The following PSEN1 variants were observed in gnomAD, a reference collection of about 807,000 sequenced individuals.
PSEN1 encodes the protein presenilin-1.
PSEN1 carries 15 observed loss-of-function variants against 53.5 expected under a neutral mutation model. That is an observed-to-expected ratio of 0.28 (90% CI 0.19 to 0.43). The LOEUF (loss-of-function observed/expected upper bound fraction) is 0.43. Ranked by LOEUF, PSEN1 falls within the 20% of genes least tolerant of loss-of-function variation. The pLI, the probability that PSEN1 is intolerant of heterozygous loss-of-function variation, is 1.00. For missense variants in PSEN1, 387 were observed against 571.2 expected, an observed-to-expected ratio of 0.68 and a Z score of 3.29; for synonymous variants, 208 against 209.8, an observed-to-expected ratio of 0.99 and a Z score of 0.08.
intron 10 of PSEN1, among the ~76,000 whole-genome samples, chr14:73,216,744 G>A (rs1289026062): frequency 2.7e-5 from 4 of 149,888 alleles, no homozygotes; most frequent in African/African-American, 9.9e-5. Flanking sequence ...GGGCCACAGA[G>A]CAAAACTCCA....
intron 8 of PSEN1, among the ~76,000 whole-genome samples, chr14:73,203,003 G>T (rs1566648774): frequency 1.2e-5 from 1 of 85,300 alleles, no homozygotes; most frequent in African/African-American, 4.6e-5. Context: ...GTTCAAGATT[G>T]CATCTGTTCT....
In PSEN1 at chr14:73,202,418, CTATATATATATATATA is replaced by C. The variant is rs1248311168; in HGVS notation, c.869-3938_869-3923del. ...TCTGTTTTAAAATATCTATCACATA[CTATATATATATATATA>C]TATATATATATATATATATATATAT... is the stretch of plus-strand genomic sequence containing the variant. On this transcript the variant is annotated intron_variant, in intron 8 of 11. Transcript: ENST00000324501. 8.5e-3 allele frequency among the ~76,000 whole-genome samples: 231 copies of C among 27,214 alleles called. 4 individuals carry two copies. The highest frequency in any genetic ancestry group is 9.5e-3 in the Non-Finnish European group (162 of 17,010). 17.9% of individuals were successfully genotyped at this position (27,214 alleles called of 152,430 possible). A position where few individuals can be genotyped will look rare whatever the true frequency, so the allele number is the denominator to read the frequency against.
chr14:73,172,258 T>G (rs1321005549), intron 4 of PSEN1, among the ~76,000 whole-genome samples: 1 of 152,176 alleles, frequency 6.6e-6, no homozygotes, highest in Non-Finnish European at 1.5e-5. Flanking sequence ...AAGAAGAGTT[T>G]TAATTGAGTT....
intron 3 of PSEN1, among the ~76,000 whole-genome samples, chr14:73,170,274 C>T (rs1272715323): frequency 1.3e-5 from 2 of 152,164 alleles, no homozygotes; most frequent in Admixed American, 6.5e-5. Flanking sequence ...TATCTCATCC[C>T]GTAACTAAGA....
chr14:73,183,006 A>G (rs1305298018), intron 5 of PSEN1, among the ~76,000 whole-genome samples: 1 of 152,172 alleles, frequency 6.6e-6, no homozygotes, highest in Non-Finnish European at 1.5e-5. Flanking sequence ...CCCAGTGTAC[A>G]TCTCCCACTG....
intron 3 of PSEN1, chr14:73,169,420 C>CAGTG (rs1411394769): frequency 6.6e-6 from 1 of 152,180 alleles, no homozygotes; most frequent in African/African-American, 2.4e-5. Flanking sequence ...CTATAGAGAC[C>CAGTG]AGTGACTTCC....
chr14:73,172,508 CAA>C (rs765069538), intron 4 of PSEN1, among the ~76,000 whole-genome samples: 1 of 152,224 alleles, frequency 6.6e-6, no homozygotes, highest in Non-Finnish European at 1.5e-5. Flanking sequence ...GGTGTAATAA[CAA>C]AGTTATTCAC....
At chr14:73,160,981 T>C (rs1002260860) in intron 3 of PSEN1, among the ~76,000 whole-genome samples, 5 of 150,062 alleles carry the variant, frequency 3.3e-5, no homozygotes, top group African/African-American at 1.2e-4. Flanking sequence ...TTTTTTTTTT[T>C]TTTTTTTCGA....
At chr14:73,212,389 G>T (rs921203592) in intron 10 of PSEN1, among the ~76,000 whole-genome samples, 1 of 152,090 alleles carries the variant, frequency 6.6e-6, no homozygotes, top group Non-Finnish European at 1.5e-5. Flanking sequence ...GATTACAGGC[G>T]TGAGCCACTG....
intron 6 of PSEN1, among the ~76,000 whole-genome samples, chr14:73,187,836 C>T (rs1301069500): frequency 6.6e-6 from 1 of 152,086 alleles, no homozygotes; most frequent in Non-Finnish European, 1.5e-5. Context: ...AACTAAAGCC[C>T]TGCAAGTTAT....
intron 6 of PSEN1, among the ~76,000 whole-genome samples, chr14:73,190,420 T>G (rs1387884354): frequency 6.6e-6 from 1 of 151,604 alleles, no homozygotes; most frequent in Non-Finnish European, 1.5e-5. Flanking sequence ...GCCAAGGACT[T>G]TGGGGCTGCA....
chr14:73,140,409 C>T (rs1896892036), intron 1 of PSEN1, among the ~76,000 whole-genome samples: 2 of 151,520 alleles, frequency 1.3e-5, no homozygotes, highest in Admixed American at 6.6e-5. Context: ...TGGGGTGTCA[C>T]CATATTGGCC....
intron 5 of PSEN1, among the ~76,000 whole-genome samples, chr14:73,183,169 G>C (rs1454071323): frequency 6.6e-6 from 1 of 152,178 alleles, no homozygotes; most frequent in Admixed American, 6.5e-5. Context: ...TCAGGCTGGA[G>C]TGCAATGGTG....
intron 8 of PSEN1, 44 bp downstream of exon 8, chr14:73,198,173 T>C (rs1247635649): frequency 4.2e-6 from 5 of 1,182,750 alleles, no homozygotes; most frequent in Non-Finnish European, 6.3e-6. Context: ...CAGTGTAGAA[T>C]TTATCGGAAC....
chr14:73,168,948 T>C (rs1897804529), intron 3 of PSEN1: 1 of 152,320 alleles, frequency 6.6e-6, no homozygotes, highest in Non-Finnish European at 1.5e-5. Flanking sequence ...CGCATTCGTT[T>C]GCTCTGATTC....
At chr14:73,214,680 T>C (rs1211526567) in intron 10 of PSEN1, among the ~76,000 whole-genome samples, 1 of 152,248 alleles carries the variant, frequency 6.6e-6, no homozygotes, top group Non-Finnish European at 1.5e-5. Context: ...GAGTACTTTG[T>C]GCTAAGTGAA....
chr14:73,168,354 CAA>C (rs535866588), intron 3 of PSEN1: 3 of 111,456 alleles, frequency 2.7e-5, no homozygotes, highest in Non-Finnish European at 3.8e-5. Flanking sequence ...GACTCTGTCT[CAA>C]AAAAAAAAAA....
At chr14:73,208,350 T>C (rs374165145) in intron 9 of PSEN1, among the ~76,000 whole-genome samples, 1 of 152,202 alleles carries the variant, frequency 6.6e-6, no homozygotes, top group South Asian at 2.1e-4. Flanking sequence ...AGGTGCTTTA[T>C]TGAGCAACAG....
chr14:73,186,275 G>A (rs8011748), intron 5 of PSEN1, among the ~76,000 whole-genome samples: 17,371 of 152,068 alleles, frequency 0.11, 1,157 homozygotes, highest in African/African-American at 0.19. Context: ...GCTACTTGGG[G>A]GGCTGAGGCA....
Sources: gnomAD v4.1 joint callset for allele counts (sites outside exome capture counted in the v4.1 genomes callset) on GRCh38, gnomAD v4.1.1 for gene constraint, MANE v1.5 for transcripts, NCBI Gene and HGNC (gene_info 2026-07-23, HGNC 2026-07-21) for gene names.